The following PLCL2 variants were observed in gnomAD, a reference collection of about 807,000 sequenced individuals.
PLCL2 encodes phospholipase C like 2, also known as inactive phospholipase C-like protein 2.
PLCL2 carries 4 observed loss-of-function variants against 79.6 expected under a neutral mutation model. The observed-to-expected ratio is 0.05, with a 90% CI of 0.02 to 0.11. PLCL2 has a LOEUF of 0.11. PLCL2 is among the 10% of genes least tolerant of loss of function. The pLI is 1.00. For synonymous variants in PLCL2, 484 were observed against 457.7 expected (o/e 1.06, Z -0.73); for missense variants, 895 against 1,291.0 (o/e 0.69, Z 4.70).
chr3:16,885,056 G>C lies in PLCL2; in HGVS notation c.17G>C (p.Arg6Pro), dbSNP rs1575508426. The C allele has an allele frequency of 2.7e-6, 1 of 366,258 alleles. No individual in the cohort carries two copies. Among genetic ancestry groups the C allele is most frequent in the Non-Finnish European group, 4.9e-6 (1 of 205,766 alleles). 22.7% of individuals were successfully genotyped at this position (366,258 alleles called of 1,614,324 possible). A position where few individuals can be genotyped will look rare whatever the true frequency, so the allele number is the denominator to read the frequency against. Reference sequence around the variant, plus strand: ...GGGGCGCCCATGGCGGAGTGCGGCCGGGGGGGCGCCGCCGGCGGGGCCCTG... The same window carrying C: ...GGGGCGCCCATGGCGGAGTGCGGCCCGGGGGGCGCCGCCGGCGGGGCCCTG... MAECG[R>P]GGAAGGALPT... Residue 6 changes from arginine (R) to proline (P), a missense_variant, in exon 1 of 6, where the codon CGG (arginine) becomes CCG (proline). By Grantham distance (103) the Arg-to-Pro change is moderately radical. Transcript: ENST00000615277.
intron 4 of PLCL2, among the ~76,000 whole-genome samples, chr3:17,045,371 C>G (rs1167943161): frequency 2.0e-5 from 3 of 152,134 alleles, no homozygotes; most frequent in African/African-American, 7.2e-5. Flanking sequence ...TAAAAAATGT[C>G]CCCAGTTCAG....
intron 3 of PLCL2, among the ~76,000 whole-genome samples, chr3:17,022,476 G>A (rs1270304296): frequency 6.6e-6 from 1 of 151,980 alleles, no homozygotes; most frequent in Non-Finnish European, 1.5e-5. Flanking sequence ...TCTTCTCTCT[G>A]TCAAGGACCC....
At chr3:17,024,993 G>A (rs2064499034) in intron 3 of PLCL2, among the ~76,000 whole-genome samples, 1 of 152,122 alleles carries the variant, frequency 6.6e-6, no homozygotes, top group Admixed American at 6.6e-5. Flanking sequence ...GAAACCCCAA[G>A]TACTCCTTGA....
rs2063963739 is a variant in PLCL2 at position 16,979,827 on chromosome 3, T to C, written c.328-29847T>C. 1.3e-5 allele frequency among the ~76,000 whole-genome samples: 2 copies of C among 150,096 alleles called. 1 individual carries two copies. The highest frequency in any genetic ancestry group is 4.3e-4 in the South Asian group (2 of 4,670). ...TTCCACAAAACCGCCATTGTCATCA[T>C]GGCCCGTTCTCAATGAGCTGTTGGG... On this transcript the variant is annotated intron_variant, in intron 1 of 5. Transcript: ENST00000615277.
intron 1 of PLCL2, among the ~76,000 whole-genome samples, chr3:16,903,639 G>A (rs1696680907): frequency 6.6e-6 from 1 of 152,202 alleles, no homozygotes; most frequent in South Asian, 2.1e-4. Context: ...GCCCAGCAGT[G>A]GGTGCTCAGA....
intron 1 of PLCL2, among the ~76,000 whole-genome samples, chr3:16,941,225 T>G (rs902229857): frequency 2.0e-5 from 3 of 152,224 alleles, no homozygotes; most frequent in African/African-American, 7.2e-5. Flanking sequence ...ACATCATTAC[T>G]GGGATATCTC....
chr3:16,982,351 T>C lies in PLCL2; in HGVS notation c.328-27323T>C, dbSNP rs946332837. On this transcript the variant is annotated intron_variant, in intron 1 of 5. Transcript: ENST00000615277. Reference sequence around the variant, plus strand: ...CCCCAGAGAATTCTGTGAGAGCTTCTGAGCCACAGTGTTCAAGTGACTTGC... The same window carrying C: ...CCCCAGAGAATTCTGTGAGAGCTTCCGAGCCACAGTGTTCAAGTGACTTGC... Among the ~76,000 whole-genome samples, 18 of 152,212 alleles carry C rather than the reference T, an allele frequency of 1.2e-4. 1 individual carries two copies. Among genetic ancestry groups the C allele is most frequent in the South Asian group, 2.1e-4 (1 of 4,830 alleles).
Position 16,885,338 on chromosome 3 carries a change from G to A in PLCL2, c.299G>A (p.Gly100Asp), listed in dbSNP as rs1306660737. The A allele has an allele frequency of 4.6e-6, 3 of 654,106 alleles. No individual in the cohort carries two copies. The highest frequency in any genetic ancestry group is 8.3e-6 in the Non-Finnish European group (3 of 362,274). 40.5% of individuals were successfully genotyped at this position (654,106 alleles called of 1,614,324 possible). ...CTLPRESKPG[G>D]LPRRSSIIKD... Reference sequence around the variant, plus strand: ...CTCCCCCGGGAGAGCAAGCCGGGCGGCCTGCCCCGCCGGAGCAGCATCATC... The same window carrying A: ...CTCCCCCGGGAGAGCAAGCCGGGCGACCTGCCCCGCCGGAGCAGCATCATC... The change falls in exon 1 of 6, where the codon GGC becomes GAC. Residue 100 changes from glycine (G) to aspartate (D), a missense_variant. By Grantham distance (94) the Gly-to-Asp change is moderately conservative (BLOSUM62 -1). Coordinates refer to ENST00000615277, the MANE Select transcript of PLCL2 (RefSeq NM_001144382.2).
At chr3:17,006,962 G>A (rs1249595337) in intron 1 of PLCL2, among the ~76,000 whole-genome samples, 1 of 152,164 alleles carries the variant, frequency 6.6e-6, no homozygotes, top group Non-Finnish European at 1.5e-5. Context: ...TAATCAGCCT[G>A]TAAAAATGAA....
At chr3:17,078,732 G>T (rs1345014256) in intron 5 of PLCL2, among the ~76,000 whole-genome samples, 1 of 152,172 alleles carries the variant, frequency 6.6e-6, no homozygotes, top group East Asian at 1.9e-4. Context: ...GAGGTACAGT[G>T]CTTATCTTGA....
At position 17,073,746 on chromosome 3, in the gene PLCL2, T is replaced by C. The variant is rs142076832; in HGVS notation, c.3204+5681T>C. Among the ~76,000 whole-genome samples, 20 of 152,310 alleles carry C rather than the reference T, an allele frequency of 1.3e-4. No individual in the cohort carries two copies. The East Asian group carries it at 3.9e-3, about 29-fold the overall frequency. On this transcript the variant is annotated intron_variant, in intron 5 of 5. Coordinates refer to ENST00000615277, the MANE Select transcript of PLCL2 (RefSeq NM_001144382.2). Reference sequence around the variant, plus strand: ...TCACAGCATCTTCACCAGGAGGAGATTCCATCTCAAGAAACCACTTTCTTT... The same window carrying C: ...TCACAGCATCTTCACCAGGAGGAGACTCCATCTCAAGAAACCACTTTCTTT...
At chr3:16,933,814 T>A (rs1206449475) in intron 1 of PLCL2, among the ~76,000 whole-genome samples, 1 of 152,128 alleles carries the variant, frequency 6.6e-6, no homozygotes, top group East Asian at 1.9e-4. Context: ...ATGTCTGTAA[T>A]CCCAGCTCTC....
At chr3:16,910,261 G>GT (rs948925996) in intron 1 of PLCL2, among the ~76,000 whole-genome samples, 9 of 151,376 alleles carry the variant, frequency 5.9e-5, no homozygotes, top group South Asian at 2.1e-4. Flanking sequence ...CCTTGCTCCT[G>GT]TTTTTTTTTA....
intron 3 of PLCL2, among the ~76,000 whole-genome samples, chr3:17,031,096 C>T (rs1318423400): frequency 6.6e-6 from 1 of 152,176 alleles, no homozygotes; most frequent in Non-Finnish European, 1.5e-5. Context: ...GTAGCTTGCT[C>T]ACTGAATAAT....
chr3:16,984,401 A>G (rs2064028296), intron 1 of PLCL2, among the ~76,000 whole-genome samples: 1 of 151,270 alleles, frequency 6.6e-6, no homozygotes, highest in Admixed American at 6.6e-5. Flanking sequence ...TTTATTAAGT[A>G]ATAAATCATT....
chr3:16,996,933 C>T (rs1214670133), intron 1 of PLCL2, among the ~76,000 whole-genome samples: 1 of 152,172 alleles, frequency 6.6e-6, no homozygotes, highest in Non-Finnish European at 1.5e-5. Flanking sequence ...TACTATTTTA[C>T]ATCCAAAAGA....
chr3:16,980,903 G>A (rs891728299), intron 1 of PLCL2, among the ~76,000 whole-genome samples: 39 of 152,248 alleles, frequency 2.6e-4, no homozygotes, highest in Non-Finnish European at 4.7e-4. Flanking sequence ...GGAGGCCGAG[G>A]CTGGCGGATC....
chr3:16,976,635 C>T (rs756155941), intron 1 of PLCL2, among the ~76,000 whole-genome samples: 17 of 152,204 alleles, frequency 1.1e-4, no homozygotes, highest in South Asian at 2.1e-4. Context: ...CAAGGTGACA[C>T]GTAAAATTAA....
At chr3:17,077,576 C>T (rs1420645151) in intron 5 of PLCL2, among the ~76,000 whole-genome samples, 1 of 152,180 alleles carries the variant, frequency 6.6e-6, no homozygotes, top group Admixed American at 6.5e-5. Context: ...ACTTCCTCTA[C>T]CTTTATTTTC....
Sources: allele counts gnomAD v4.1 joint callset (sites outside exome capture counted in the v4.1 genomes callset), GRCh38; gene constraint gnomAD v4.1.1; transcripts MANE v1.5; gene names NCBI Gene and HGNC (gene_info 2026-07-23, HGNC 2026-07-21).